Variants in NRXN1 observed in about 807,000 individuals in gnomAD.
The protein encoded by NRXN1 is neurexin 1.
NRXN1 carries 39 observed loss-of-function variants against 150.9 expected under a neutral mutation model. The observed-to-expected ratio is 0.26, with a 90% confidence interval of 0.20 to 0.34. The LOEUF (loss-of-function observed/expected upper bound fraction) is 0.34, where lower values mean the gene tolerates loss of function less well. NRXN1 is among the 10% of genes least tolerant of loss of function. NRXN1 has a pLI of 1.00. For missense variants in NRXN1, 1,815 were observed against 1,949.9 expected (o/e 0.93, Z 1.30); for synonymous variants, 924 against 757.0 (o/e 1.22, Z -3.62).
At chr2:50,462,379 G>A (rs748336087) in intron 17 of NRXN1, among the ~76,000 whole-genome samples, 12 of 151,694 alleles carry the variant, frequency 7.9e-5, no homozygotes, top group Non-Finnish European at 1.6e-4. Context: ...AGAGACTGAT[G>A]ACATTTAAAC....
At chr2:50,258,446 T>C (rs2067932825) in intron 17 of NRXN1, among the ~76,000 whole-genome samples, 1 of 152,062 alleles carries the variant, frequency 6.6e-6, no homozygotes, top group East Asian at 1.9e-4. Context: ...TATCATGAGA[T>C]TGCAGCAATT....
chr2:50,136,144 C>T (rs148653341), intron 18 of NRXN1, among the ~76,000 whole-genome samples: 1 of 152,184 alleles, frequency 6.6e-6, no homozygotes, highest in Admixed American at 6.5e-5. Context: ...TTACTTTCTC[C>T]CTTCATAAAA....
chr2:50,687,334 T>C (rs1218904533), intron 5 of NRXN1, among the ~76,000 whole-genome samples: 1 of 152,212 alleles, frequency 6.6e-6, no homozygotes, highest in Non-Finnish European at 1.5e-5. Flanking sequence ...CATTCCTGTC[T>C]TCCTACATAG....
intron 19 of NRXN1, among the ~76,000 whole-genome samples, chr2:50,064,937 T>C (rs1237870392): frequency 6.6e-6 from 1 of 152,164 alleles, no homozygotes; most frequent in East Asian, 1.9e-4. Flanking sequence ...TTGGATTGTC[T>C]TCTGGACTTT....
intron 17 of NRXN1, among the ~76,000 whole-genome samples, chr2:50,287,108 T>C (rs958885151): frequency 1.3e-5 from 2 of 152,138 alleles, no homozygotes; most frequent in Admixed American, 6.5e-5. Context: ...CTGAGCTTAA[T>C]ATTTTTTCAA....
chr2:50,703,015 G>A (rs750092339), intron 5 of NRXN1, among the ~76,000 whole-genome samples: 10 of 151,996 alleles, frequency 6.6e-5, no homozygotes, highest in African/African-American at 1.9e-4. Flanking sequence ...AACACCTAAC[G>A]AACAGACAAA....
chr2:50,814,603 T>C (rs1433121067), intron 5 of NRXN1, among the ~76,000 whole-genome samples: 1 of 152,126 alleles, frequency 6.6e-6, no homozygotes, highest in Non-Finnish European at 1.5e-5. Flanking sequence ...ATCTGTCTTT[T>C]TTCCATTCTA....
chr2:50,380,607 C>A (rs932375447), intron 17 of NRXN1, among the ~76,000 whole-genome samples: 1 of 152,044 alleles, frequency 6.6e-6, no homozygotes, highest in African/African-American at 2.4e-5. Context: ...TACCTAGCCA[C>A]TAGGGATTGT....
At chr2:50,268,749 C>A (rs1574844655) in intron 17 of NRXN1, among the ~76,000 whole-genome samples, 1 of 152,278 alleles carries the variant, frequency 6.6e-6, no homozygotes, top group African/African-American at 2.4e-5. Context: ...TCTTACCTCC[C>A]AATTAATCTC....
chr2:50,007,803 G>A (rs1330272201), intron 21 of NRXN1, among the ~76,000 whole-genome samples: 4 of 152,038 alleles, frequency 2.6e-5, no homozygotes, highest in South Asian at 4.1e-4. Flanking sequence ...TTGAGGAATC[G>A]CCACACTGTC....
intron 18 of NRXN1, among the ~76,000 whole-genome samples, chr2:50,195,915 T>C (rs967299650): frequency 6.6e-6 from 1 of 152,122 alleles, no homozygotes; most frequent in South Asian, 2.1e-4. Flanking sequence ...TAATATTGTC[T>C]GTACTTAATT....
Position 50,794,958 on chromosome 2 carries a change from C to T in NRXN1, c.832+126911G>A, listed in dbSNP as rs1234358658. ...TCAAATCACTTTCATAAATGACCTA[C>T]TTAGGTGTCAAATAAACCTAAAAGA... On this transcript the variant is annotated intron_variant, in intron 5 of 22. Transcript: ENST00000401669. 2.6e-5 allele frequency among the ~76,000 whole-genome samples: 4 copies of T among 152,132 alleles called. No homozygotes were observed. In the South Asian group the frequency reaches 6.2e-4, roughly 24 times the overall value.
At chr2:49,957,867 C>T (rs1675253948) in intron 21 of NRXN1, among the ~76,000 whole-genome samples, 1 of 152,098 alleles carries the variant, frequency 6.6e-6, no homozygotes, top group Non-Finnish European at 1.5e-5. Context: ...TGGCGTCTTG[C>T]TCCTTCTACT....
At chr2:50,490,976 C>T (rs529034140) in intron 15 of NRXN1, among the ~76,000 whole-genome samples, 1 of 152,048 alleles carries the variant, frequency 6.6e-6, no homozygotes, top group Non-Finnish European at 1.5e-5. Context: ...CCTCAAACAG[C>T]AACAACAAGA....
intron 2 of NRXN1, among the ~76,000 whole-genome samples, chr2:51,016,324 T>G (rs1668656928): frequency 6.6e-6 from 1 of 152,100 alleles, no homozygotes; most frequent in Non-Finnish European, 1.5e-5. Flanking sequence ...ACAGGCAACC[T>G]GCAGAATGGG....
At chr2:50,760,822 A>G (rs971399327) in intron 5 of NRXN1, among the ~76,000 whole-genome samples, 1 of 151,894 alleles carries the variant, frequency 6.6e-6, no homozygotes, top group African/African-American at 2.4e-5. Context: ...GGGCATGTGT[A>G]ATGTGATGAG....
intron 17 of NRXN1, among the ~76,000 whole-genome samples, chr2:50,375,996 A>G (rs971547023): frequency 1.3e-5 from 2 of 151,742 alleles, no homozygotes; most frequent in Non-Finnish European, 2.9e-5. Context: ...AATATTCTCT[A>G]CTTGGACCCT....
chr2:50,180,978 AT>A (rs1276113377), intron 18 of NRXN1, among the ~76,000 whole-genome samples: 2 of 152,106 alleles, frequency 1.3e-5, no homozygotes, highest in Non-Finnish European at 2.9e-5. Flanking sequence ...TAGTAAATTA[AT>A]TAGGGGTTTT....
At chr2:49,986,084 GTTAAC>G (rs938467810) in intron 21 of NRXN1, among the ~76,000 whole-genome samples, 9 of 152,154 alleles carry the variant, frequency 5.9e-5, no homozygotes, top group African/African-American at 2.2e-4. Context: ...CTAAAAGAAT[GTTAAC>G]TTAATAATAT....
Sources: gnomAD v4.1 joint callset for allele counts (sites outside exome capture counted in the v4.1 genomes callset) on GRCh38, gnomAD v4.1.1 for gene constraint, MANE v1.5 for transcripts, NCBI Gene and HGNC (gene_info 2026-07-23, HGNC 2026-07-21) for gene names.